The following CDKAL1 variants were observed in gnomAD, a reference collection of about 807,000 sequenced individuals.
CDKAL1 encodes CDKAL1 threonylcarbamoyladenosine tRNA methylthiotransferase.
In CDKAL1, 32 loss-of-function variants were observed where a neutral mutation model predicts 68.2. That is an observed-to-expected ratio of 0.47 (90% confidence interval 0.35 to 0.63). The LOEUF (loss-of-function observed/expected upper bound fraction) is 0.63. Among genes scored for constraint, CDKAL1 ranks in the 30% least tolerant of loss-of-function variants. The pLI is 0.00. For missense variants in CDKAL1, 606 were observed against 696.7 expected, an observed-to-expected ratio of 0.87 and a Z score of 1.47; for synonymous variants, 234 against 244.3, an observed-to-expected ratio of 0.96 and a Z score of 0.39.
intron 8 of CDKAL1, among the ~76,000 whole-genome samples, chr6:20,807,990 G>T (rs1776644438): frequency 6.6e-6 from 1 of 152,164 alleles, no homozygotes; most frequent in Non-Finnish European, 1.5e-5. Context: ...TAAATATGAA[G>T]AATAGAATAC....
chr6:21,217,211 A>C (rs1779368787), intron 15 of CDKAL1, among the ~76,000 whole-genome samples: 1 of 151,236 alleles, frequency 6.6e-6, no homozygotes, highest in South Asian at 2.1e-4. Context: ...TTTTCTCTTC[A>C]GCAAAGAGTC....
At chr6:21,203,691 C>CT (rs915087377) in intron 15 of CDKAL1, among the ~76,000 whole-genome samples, 2,204 of 94,090 alleles carry the variant, frequency 0.023, 252 homozygotes, top group African/African-American at 0.052. Flanking sequence ...CACTTGACCT[C>CT]TTTTTTTTTT....
At chr6:20,941,225 A>G (rs1275404829) in intron 9 of CDKAL1, among the ~76,000 whole-genome samples, 1 of 151,930 alleles carries the variant, frequency 6.6e-6, no homozygotes, top group Middle Eastern at 3.2e-3. Flanking sequence ...TTATTTACAC[A>G]TTGTTTTGGT....
intron 4 of CDKAL1, among the ~76,000 whole-genome samples, chr6:20,630,003 A>G (rs1426417981): frequency 6.6e-6 from 1 of 151,522 alleles, no homozygotes; most frequent in Non-Finnish European, 1.5e-5. Flanking sequence ...ATGGGCACCC[A>G]CCACCACACC....
intron 4 of CDKAL1, among the ~76,000 whole-genome samples, chr6:20,551,605 C>T (rs1054837809): frequency 2.0e-5 from 3 of 151,954 alleles, no homozygotes; most frequent in Non-Finnish European, 2.9e-5. Flanking sequence ...CCCTTGACCT[C>T]GTGATCCACC....
At chr6:21,125,726 T>A (rs1410410963) in intron 13 of CDKAL1, among the ~76,000 whole-genome samples, 1 of 152,098 alleles carries the variant, frequency 6.6e-6, no homozygotes, top group East Asian at 1.9e-4. Flanking sequence ...AATTACCCAG[T>A]CTCGGGCAGT....
chr6:20,647,829 T>C (rs1403034390), intron 4 of CDKAL1, among the ~76,000 whole-genome samples: 5 of 152,054 alleles, frequency 3.3e-5, no homozygotes, highest in Admixed American at 3.3e-4. Flanking sequence ...AGGAAATGAA[T>C]GCAAGAAATG....
intron 4 of CDKAL1, among the ~76,000 whole-genome samples, chr6:20,572,651 G>A (rs1447168915): frequency 6.6e-6 from 1 of 152,070 alleles, no homozygotes; most frequent in East Asian, 1.9e-4. Context: ...ATCCAGTGCT[G>A]TTTTTGTTCC....
intron 10 of CDKAL1, among the ~76,000 whole-genome samples, chr6:20,983,515 G>A (rs1766270179): frequency 6.6e-6 from 1 of 152,212 alleles, no homozygotes; most frequent in Non-Finnish European, 1.5e-5. Context: ...GAGGTCAGGA[G>A]TTGGAGACCA....
intron 13 of CDKAL1, among the ~76,000 whole-genome samples, chr6:21,147,034 G>A (rs376028866): frequency 6.6e-5 from 10 of 151,972 alleles, no homozygotes; most frequent in Admixed American, 2.6e-4. Flanking sequence ...GTTTATGGAC[G>A]CCACGACCAA....
intron 12 of CDKAL1, among the ~76,000 whole-genome samples, chr6:21,068,283 C>T (rs1562004416): frequency 1.3e-5 from 2 of 151,984 alleles, no homozygotes; most frequent in Admixed American, 6.5e-5. Context: ...TGTTTACCTT[C>T]TCCACACCAT....
chr6:21,113,683 G>A (rs111382083), intron 13 of CDKAL1, among the ~76,000 whole-genome samples: 4,502 of 151,116 alleles, frequency 0.03, 216 homozygotes, highest in African/African-American at 0.1. Context: ...TGGCCAGGCC[G>A]GTCTCGAACT....
chr6:20,597,375 A>G (rs374540070), intron 4 of CDKAL1, among the ~76,000 whole-genome samples: 1 of 151,242 alleles, frequency 6.6e-6, no homozygotes, highest in South Asian at 2.1e-4. Context: ...CGATCCGCCC[A>G]CCTCAGCCTC....
At chr6:21,178,769 C>T (rs773577130) in intron 13 of CDKAL1, among the ~76,000 whole-genome samples, 19 of 152,216 alleles carry the variant, frequency 1.2e-4, no homozygotes, top group Non-Finnish European at 2.5e-4. Flanking sequence ...AGCACCTGCT[C>T]TCATTTGTTA....
rs1005245263 is a variant in CDKAL1, at chr6:20,875,165, G to A, written c.742+28987G>A. 1.8e-4 allele frequency among the ~76,000 whole-genome samples: 27 copies of A among 151,752 alleles called. No homozygotes were observed. In the East Asian group the frequency reaches 5.3e-3, roughly 30 times the overall value. ...ATACAAAAAATTAGCCGGGCGCGGTGGCAGGCGCCTGTAGTCCCAGCTACT... is the reference window on the plus strand; with the variant it reads ...ATACAAAAAATTAGCCGGGCGCGGTAGCAGGCGCCTGTAGTCCCAGCTACT... On this transcript the variant is annotated intron_variant, in intron 9 of 15. Coordinates refer to ENST00000274695, the MANE Select transcript of CDKAL1 (RefSeq NM_017774.3).
intron 9 of CDKAL1, among the ~76,000 whole-genome samples, chr6:20,855,369 G>A (rs981739288): frequency 2.2e-5 from 3 of 134,740 alleles, no homozygotes; most frequent in African/African-American, 8.2e-5. Flanking sequence ...CTTGAACCCA[G>A]GAGGCAGAGG....
intron 7 of CDKAL1, among the ~76,000 whole-genome samples, chr6:20,765,130 G>C (rs1774640014): frequency 6.7e-6 from 1 of 148,408 alleles, no homozygotes; most frequent in Admixed American, 6.8e-5. Context: ...CCATTGCAAA[G>C]GTAATGGTTA....
intron 15 of CDKAL1, among the ~76,000 whole-genome samples, chr6:21,221,603 A>G (rs1441427779): frequency 6.6e-6 from 1 of 152,096 alleles, no homozygotes; most frequent in Non-Finnish European, 1.5e-5. Context: ...CATTGGTCAC[A>G]TATTTGGTTT....
chr6:20,721,723 C>CTTTTTT (rs1562052673), intron 5 of CDKAL1, among the ~76,000 whole-genome samples: 1 of 107,912 alleles, frequency 9.3e-6, no homozygotes, highest in African/African-American at 4.1e-5. Context: ...TGACCAACTT[C>CTTTTTT]TGTTTTTTTT....
Sources: gnomAD v4.1 joint callset for allele counts (sites outside exome capture counted in the v4.1 genomes callset) on GRCh38, gnomAD v4.1.1 for gene constraint, MANE v1.5 for transcripts, NCBI Gene and HGNC (gene_info 2026-07-23, HGNC 2026-07-21) for gene names.